SLC25A51: variants seen among roughly 807,000 people sequenced by gnomAD.
SLC25A51 encodes solute carrier family 25 member 51.
Under a neutral mutation model 19.1 loss-of-function variants are expected in SLC25A51, and 11 were observed. The ratio of observed to expected loss-of-function variants is 0.58; its 90% CI spans 0.36 to 0.96. The LOEUF (loss-of-function observed/expected upper bound fraction) is 0.96. Among genes scored for constraint, SLC25A51 ranks in the 40% least tolerant of loss-of-function variants. The pLI is 0.01. For missense variants in SLC25A51, 201 were observed against 365.4 expected (o/e 0.55, Z 3.67); for synonymous variants, 105 against 133.6 (o/e 0.79, Z 1.47).
intron 2 of SLC25A51, among the ~76,000 whole-genome samples, chr9:37,897,888 C>T (rs1831755995): frequency 6.6e-6 from 1 of 152,120 alleles, no homozygotes; most frequent in African/African-American, 2.4e-5. Context: ...TTATTCCACT[C>T]AAGTATCCCT....
chr9:37,878,851 C>G (rs1201982488), downstream of SLC25A51: 2 of 162,592 alleles, frequency 1.2e-5, no homozygotes, highest in East Asian at 1.9e-4. Flanking sequence ...TGCCCAGACT[C>G]AAGCAATCCT....
At chr9:37,884,400 T>G (rs1587153501), downstream of SLC25A51, among the ~76,000 whole-genome samples, 1 of 152,232 alleles carries the variant, frequency 6.6e-6, no homozygotes, top group Non-Finnish European at 1.5e-5. Context: ...TCAAACTATC[T>G]TATTGTTTTA....
At chr9:37,883,191 G>A (rs1831382591), downstream of SLC25A51, among the ~76,000 whole-genome samples, 1 of 152,214 alleles carries the variant, frequency 6.6e-6, no homozygotes, top group Non-Finnish European at 1.5e-5. Flanking sequence ...GAAGGTAAAA[G>A]CAATAGTTAG....
At chr9:37,904,026 C>T (rs1207808891) in intron 1 of SLC25A51, 42 bp downstream of exon 1, 1 of 152,384 alleles carries the variant, frequency 6.6e-6, no homozygotes, top group Non-Finnish European at 1.5e-5. Flanking sequence ...CAACCTCATG[C>T]GAAGAAAGCC....
chr9:37,879,374 G>T, downstream of SLC25A51: 1 of 189,406 alleles, frequency 5.3e-6, no homozygotes, highest in South Asian at 1.4e-4. Context: ...TCTCCAGAAG[G>T]ATCAGCTCAG....
chr9:37,896,566 T>C (rs1587168517), intron 2 of SLC25A51, among the ~76,000 whole-genome samples: 1 of 151,964 alleles, frequency 6.6e-6, no homozygotes, highest in Non-Finnish European at 1.5e-5. Flanking sequence ...GAGGCCGAGG[T>C]GGGTGGATCA....
In SLC25A51 at chr9:37,894,757, C is replaced by T. The variant is rs988682998; in HGVS notation, c.-43+5072G>A. Among the ~76,000 whole-genome samples the T allele has an allele frequency of 5.3e-5, 8 of 152,118 alleles. 1 individual carries two copies. The highest frequency in any genetic ancestry group is 1.5e-5 in the Non-Finnish European group (1 of 68,020). On this transcript the variant is annotated intron_variant, in intron 2 of 2. Coordinates refer to ENST00000242275, the MANE Select transcript of SLC25A51 (RefSeq NM_033412.4). ...GTACCCATTAGTTATCTTTCCTGAT[C>T]CTCTCCCTCCTCCCACCCTCCACCC... is the stretch of plus-strand genomic sequence containing the variant.
chr9:37,885,934 C>A, downstream of SLC25A51: 1 of 1,611,980 alleles, frequency 6.2e-7, no homozygotes, highest in African/African-American at 1.3e-5. Flanking sequence ...ATGATAAAAC[C>A]ATTGATGAGG....
At chr9:37,886,370 G>A (rs1206544904), downstream of SLC25A51, 41 of 1,606,332 alleles carry the variant, frequency 2.6e-5, no homozygotes, top group African/African-American at 1.1e-4. Context: ...GTCAGATGGG[G>A]AAAGCAAGAA....
intron 2 of SLC25A51, among the ~76,000 whole-genome samples, chr9:37,889,637 T>C (rs936652079): frequency 2.6e-5 from 4 of 151,566 alleles, no homozygotes; most frequent in African/African-American, 9.7e-5. Flanking sequence ...GTCAGCATTC[T>C]GAAATGAAGT....
chr9:37,899,376 G>T (rs1010717361), intron 2 of SLC25A51, among the ~76,000 whole-genome samples: 4 of 151,890 alleles, frequency 2.6e-5, no homozygotes, highest in Non-Finnish European at 5.9e-5. Flanking sequence ...AGATCATGTT[G>T]TCATTTTTTT....
chr9:37,888,420 T>C lies in SLC25A51; in HGVS notation c.131A>G (p.Asn44Ser), dbSNP rs1831510285. Residue 44 changes from asparagine (N) to serine (S), a missense_variant, in exon 3 of 3, where the codon AAT (asparagine) becomes AGT (serine). Asn to Ser is a conservative substitution (Grantham distance 46). Transcript: ENST00000242275. ...YLCGCCAAFN[N>S]VAITFPIQKV... ...CTGAATGGGAAATGTGATTGCGACA[T>C]TGTTGAAGGCTGCACAGCAGCCACA... 1.9e-6 allele frequency: 3 copies of C among 1,614,252 alleles called. No homozygotes were observed. Among genetic ancestry groups the C allele is most frequent in the Non-Finnish European group, 2.5e-6 (3 of 1,180,034 alleles).
At chr9:37,885,363 A>C (rs1434640612), downstream of SLC25A51, among the ~76,000 whole-genome samples, 3 of 151,804 alleles carry the variant, frequency 2.0e-5, no homozygotes, top group Non-Finnish European at 4.4e-5. Context: ...AAAAAAAAAA[A>C]AAAAACCTTG....
chr9:37,887,595 C>T, downstream of SLC25A51: 1 of 1,487,774 alleles, frequency 6.7e-7, no homozygotes, highest in Non-Finnish European at 9.0e-7. Flanking sequence ...AAAAAGAGGC[C>T]AAACTGCATT....
chr9:37,879,128 A>C, downstream of SLC25A51: 1 of 354,300 alleles, frequency 2.8e-6, no homozygotes, highest in South Asian at 2.6e-5. Flanking sequence ...ACTTTGAGTA[A>C]CATCTGCACA....
chr9:37,883,941 G>C (rs573950131), downstream of SLC25A51, among the ~76,000 whole-genome samples: 169 of 152,312 alleles, frequency 1.1e-3, 7 homozygotes, highest in South Asian at 0.034. Context: ...GCTGGAAGAA[G>C]GATGGTCACT....
At chr9:37,879,238 T>C, downstream of SLC25A51, 1 of 274,240 alleles carries the variant, frequency 3.6e-6, no homozygotes. Context: ...TGGTTTGGGA[T>C]CAGTGATGTT....
At chr9:37,899,433 G>A (rs965537683) in intron 2 of SLC25A51, among the ~76,000 whole-genome samples, 7 of 151,790 alleles carry the variant, frequency 4.6e-5, no homozygotes, top group East Asian at 1.9e-4. Flanking sequence ...CCAGGCTGGA[G>A]TGCAGTGGTA....
intron 2 of SLC25A51, among the ~76,000 whole-genome samples, chr9:37,898,627 G>C (rs183066970): frequency 3.9e-5 from 6 of 152,194 alleles, no homozygotes; most frequent in East Asian, 3.9e-4. Context: ...GCTGAGGCAG[G>C]AGAATTGCCG....
Sources: gnomAD v4.1 joint callset for allele counts (sites outside exome capture counted in the v4.1 genomes callset) on GRCh38, gnomAD v4.1.1 for gene constraint, MANE v1.5 for transcripts, NCBI Gene and HGNC (gene_info 2026-07-23, HGNC 2026-07-21) for gene names.